Variants in TSPAN18 observed in about 807,000 individuals in gnomAD.
The protein encoded by TSPAN18 is tetraspanin 18.
TSPAN18 carries 14 observed loss-of-function variants against 27.3 expected under a neutral mutation model. The observed-to-expected ratio is 0.51, with a 90% CI of 0.34 to 0.80. The LOEUF is 0.80. Ranked by LOEUF, TSPAN18 falls within the 30% of genes least tolerant of loss-of-function variation. The pLI is 0.01. For missense variants in TSPAN18, 268 were observed against 323.9 expected (o/e 0.83, Z 1.32); for synonymous variants, 143 against 136.5 (o/e 1.05, Z -0.33).
At chr11:44,794,885 G>C (rs926384593) in intron 2 of TSPAN18, among the ~76,000 whole-genome samples, 1 of 152,226 alleles carries the variant, frequency 6.6e-6, no homozygotes, top group South Asian at 2.1e-4. Context: ...GCTCAGCACA[G>C]TGCCTACTCC....
At position 44,903,403 on chromosome 11, in the gene TSPAN18, G is replaced by T. The variant is rs1429337542; in HGVS notation, c.-10-3004G>T. 3 of 456,360 alleles carry T rather than the reference G, an allele frequency of 6.6e-6. No homozygotes were observed. The East Asian group carries it at 2.1e-4, about 32-fold the overall frequency. 28.3% of individuals were successfully genotyped at this position (456,360 alleles called of 1,614,324 possible). On this transcript the variant is annotated intron_variant, in intron 3 of 9. Transcript: ENST00000520358. ...GGTGGTGATAGGAAAGTCAGGGCAG[G>T]AATAACAAGAGGTGGCGATGGTGAG...
rs145157867 is a variant in TSPAN18 at position 44,729,758 on chromosome 11, G to A, written c.-240+2471G>A. On this transcript the variant is annotated intron_variant, in intron 1 of 9. Coordinates refer to ENST00000520358, the MANE Select transcript of TSPAN18 (RefSeq NM_130783.5). ...GACACCTTGGGCTGAGTCCAGGAAG[G>A]AACCCTCTGCCCTTTAAAAAATGAG... 2.7e-3 allele frequency among the ~76,000 whole-genome samples: 416 copies of A among 152,298 alleles called. 2 individuals are homozygous for A. The highest frequency in any genetic ancestry group is 9.6e-3 in the African/African-American group (400 of 41,560).
chr11:44,729,337 C>A (rs996349230), intron 1 of TSPAN18, among the ~76,000 whole-genome samples: 3 of 152,134 alleles, frequency 2.0e-5, no homozygotes, highest in Admixed American at 2.0e-4. Flanking sequence ...CCAGCCCTGC[C>A]TTGGAACCTG....
At chr11:44,753,518 G>T (rs1171783524) in intron 1 of TSPAN18, among the ~76,000 whole-genome samples, 1 of 152,124 alleles carries the variant, frequency 6.6e-6, no homozygotes, top group Admixed American at 6.5e-5. Context: ...CATCTTCCTG[G>T]GGGTCCCAGG....
chr11:44,877,498 G>A (rs1334412681), intron 3 of TSPAN18, among the ~76,000 whole-genome samples: 1 of 152,116 alleles, frequency 6.6e-6, no homozygotes, highest in Non-Finnish European at 1.5e-5. Flanking sequence ...GCCTCAGCCA[G>A]GACCCGCTCA....
intron 3 of TSPAN18, among the ~76,000 whole-genome samples, chr11:44,904,567 A>G (rs550055155): frequency 6.6e-6 from 1 of 152,312 alleles, no homozygotes; most frequent in South Asian, 2.1e-4. Flanking sequence ...ACTCCCCACC[A>G]GCTGGCTCTG....
intron 2 of TSPAN18, among the ~76,000 whole-genome samples, chr11:44,843,884 C>T (rs539611919): frequency 1.3e-5 from 2 of 152,156 alleles, no homozygotes; most frequent in South Asian, 2.1e-4. Context: ...TTTCAGGGTG[C>T]CCACGTTTCA....
rs376589025 is a variant in TSPAN18 at position 44,800,744 on chromosome 11, C to T, written c.-153+36232C>T. Among the ~76,000 whole-genome samples the T allele has an allele frequency of 2.2e-4, 33 of 152,300 alleles. No homozygotes were observed. In the East Asian group the frequency reaches 3.7e-3, roughly 17 times the overall value. On this transcript the variant is annotated intron_variant, in intron 2 of 9. Transcript: ENST00000520358. ...CTCGTAGTCTCTTCCTGAGAAGGGGCCTTCCTAGGATTGGGGACAGGTGGG... is the reference window on the plus strand; with the variant it reads ...CTCGTAGTCTCTTCCTGAGAAGGGGTCTTCCTAGGATTGGGGACAGGTGGG...
intron 2 of TSPAN18, among the ~76,000 whole-genome samples, chr11:44,831,438 C>T (rs1337860699): frequency 6.6e-6 from 1 of 152,204 alleles, no homozygotes; most frequent in East Asian, 1.9e-4. Context: ...TTGTCCCTGG[C>T]TTTCAAGGTC....
At chr11:44,863,116 G>C (rs965389919) in intron 3 of TSPAN18, among the ~76,000 whole-genome samples, 2 of 152,210 alleles carry the variant, frequency 1.3e-5, no homozygotes, top group Non-Finnish European at 2.9e-5. Context: ...AGGAAGGCTT[G>C]GGGGTTCAGA....
At chr11:44,794,241 CT>C (rs1856295404) in intron 2 of TSPAN18, among the ~76,000 whole-genome samples, 1 of 152,314 alleles carries the variant, frequency 6.6e-6, no homozygotes, top group South Asian at 2.1e-4. Flanking sequence ...AGGTTCACCC[CT>C]ACCAAGTGTT....
intron 3 of TSPAN18, among the ~76,000 whole-genome samples, chr11:44,887,973 G>T (rs1172931726): frequency 6.6e-6 from 1 of 152,194 alleles, no homozygotes; most frequent in Non-Finnish European, 1.5e-5. Context: ...TCTTTCAAAG[G>T]GTCTTTTTCA....
intron 2 of TSPAN18, among the ~76,000 whole-genome samples, chr11:44,846,856 C>T (rs11605070): frequency 0.061 from 9,280 of 152,234 alleles, 409 homozygotes; most frequent in Non-Finnish European, 0.095. Context: ...GGCAGGTCCC[C>T]GCTCTTCAGG....
At chr11:44,858,466 C>T (rs1320450829) in intron 2 of TSPAN18, among the ~76,000 whole-genome samples, 1 of 152,250 alleles carries the variant, frequency 6.6e-6, no homozygotes, top group East Asian at 1.9e-4. Context: ...TCCCCTTTCA[C>T]AGATGGAGAA....
intron 3 of TSPAN18, 147 bp from the exon 4 acceptor site, chr11:44,906,260 C>A: frequency 1.3e-6 from 1 of 760,230 alleles, no homozygotes; most frequent in South Asian, 1.5e-5. Flanking sequence ...AGGCTGGCTC[C>A]AGCATGCTCA....
intron 9 of TSPAN18, 72 bp downstream of exon 9, chr11:44,926,829 G>C: frequency 6.5e-7 from 1 of 1,536,138 alleles, no homozygotes; most frequent in South Asian, 1.1e-5. Context: ...GATCCCCCCA[G>C]CCTCCTTTCC....
At chr11:44,759,296 C>T (rs561926056) in intron 1 of TSPAN18, among the ~76,000 whole-genome samples, 1 of 152,324 alleles carries the variant, frequency 6.6e-6, no homozygotes, top group Non-Finnish European at 1.5e-5. Flanking sequence ...AAGGCCTTAC[C>T]TGTAGATCTA....
At chr11:44,914,890 G>A in intron 5 of TSPAN18, among the ~76,000 whole-genome samples, 1 of 152,182 alleles carries the variant, frequency 6.6e-6, no homozygotes, top group East Asian at 1.9e-4. Flanking sequence ...TCTTCGGGAA[G>A]GATGTGCTTC....
chr11:44,890,445 C>T (rs191162686), intron 3 of TSPAN18, among the ~76,000 whole-genome samples: 13 of 152,074 alleles, frequency 8.5e-5, no homozygotes, highest in East Asian at 3.9e-4. Context: ...ATTTCTTGGC[C>T]GGGAGCAATG....
Sources: allele counts gnomAD v4.1 joint callset (sites outside exome capture counted in the v4.1 genomes callset), GRCh38; gene constraint gnomAD v4.1.1; transcripts MANE v1.5; gene names NCBI Gene and HGNC (gene_info 2026-07-23, HGNC 2026-07-21).